ROBO2: variants seen among roughly 807,000 people sequenced by gnomAD.
ROBO2 encodes the protein roundabout homolog 2.
A neutral mutation model predicts 160.8 loss-of-function variants in ROBO2; 53 were observed. That is an observed-to-expected ratio of 0.33 (90% CI 0.26 to 0.41). The LOEUF is 0.41. Ranked by LOEUF, ROBO2 falls within the 10% of genes least tolerant of loss-of-function variation. The pLI, the probability that ROBO2 is intolerant of heterozygous loss-of-function variation, is 1.00. For missense variants in ROBO2, 1,577 were observed against 1,722.4 expected, an observed-to-expected ratio of 0.92 and a Z score of 1.49; for synonymous variants, 664 against 611.7, an observed-to-expected ratio of 1.09 and a Z score of -1.26.
At chr3:76,977,939 T>C (rs2059892814) in intron 2 of ROBO2, among the ~76,000 whole-genome samples, 1 of 152,216 alleles carries the variant, frequency 6.6e-6, no homozygotes, top group Non-Finnish European at 1.5e-5. Flanking sequence ...GACCTATTTA[T>C]ACTTTGAAGT....
At chr3:76,692,181 G>A (rs979811578) in intron 2 of ROBO2, among the ~76,000 whole-genome samples, 1 of 152,114 alleles carries the variant, frequency 6.6e-6, no homozygotes, top group African/African-American at 2.4e-5. Flanking sequence ...CCCACTGAAT[G>A]ATCAGGGGAG....
intron 2 of ROBO2, among the ~76,000 whole-genome samples, chr3:77,330,489 G>T (rs2065865687): frequency 6.6e-6 from 1 of 152,208 alleles, no homozygotes; most frequent in African/African-American, 2.4e-5. Context: ...CTGCACTCCA[G>T]CCTGGGCAAC....
At chr3:76,533,983 G>A (rs2082362102) in intron 2 of ROBO2, among the ~76,000 whole-genome samples, 1 of 152,104 alleles carries the variant, frequency 6.6e-6, no homozygotes. Context: ...CAGGCCATCT[G>A]GACATATGTG....
intron 2 of ROBO2, among the ~76,000 whole-genome samples, chr3:77,239,504 G>A (rs912653875): frequency 2.0e-5 from 3 of 152,088 alleles, no homozygotes; most frequent in Non-Finnish European, 4.4e-5. Context: ...CTGTGGAAAG[G>A]GACCCCAGCG....
chr3:76,281,379 G>GTGATTT (rs999664896), intron 2 of ROBO2, among the ~76,000 whole-genome samples: 1 of 151,940 alleles, frequency 6.6e-6, no homozygotes, highest in African/African-American at 2.4e-5. Context: ...TTTAACAGCT[G>GTGATTT]TGATTTTGAT....
chr3:76,805,986 T>C (rs2064675419), intron 2 of ROBO2, among the ~76,000 whole-genome samples: 1 of 151,950 alleles, frequency 6.6e-6, no homozygotes, highest in African/African-American at 2.4e-5. Context: ...TCTAGCTGTC[T>C]GTGTTCTTAA....
chr3:76,028,656 T>C (rs1176261209), intron 2 of ROBO2, among the ~76,000 whole-genome samples: 1 of 151,876 alleles, frequency 6.6e-6, no homozygotes, highest in African/African-American at 2.4e-5. Context: ...TATGGTGCGG[T>C]ATAAAATTCC....
At chr3:76,633,352 T>C (rs2090140921) in intron 2 of ROBO2, among the ~76,000 whole-genome samples, 1 of 152,188 alleles carries the variant, frequency 6.6e-6, no homozygotes, top group African/African-American at 2.4e-5. Context: ...GAAGATCCCC[T>C]GATATTTGTG....
At chr3:76,957,499 T>C (rs1391834211) in intron 2 of ROBO2, among the ~76,000 whole-genome samples, 1 of 152,060 alleles carries the variant, frequency 6.6e-6, no homozygotes, top group Non-Finnish European at 1.5e-5. Context: ...TATGCAGATA[T>C]CTACTGTCTC....
intron 2 of ROBO2, among the ~76,000 whole-genome samples, chr3:75,981,109 A>G (rs1408375237): frequency 6.6e-6 from 1 of 151,524 alleles, no homozygotes; most frequent in Non-Finnish European, 1.5e-5. Context: ...TATTTGCCAT[A>G]ATGTAACATC....
intron 2 of ROBO2, among the ~76,000 whole-genome samples, chr3:75,985,063 T>C (rs532629960): frequency 6.6e-6 from 1 of 151,466 alleles, no homozygotes; most frequent in Non-Finnish European, 1.5e-5. Context: ...TATTTAGATT[T>C]ATCTAAATGG....
chr3:77,562,913 AAT>A (rs1453194084), intron 10 of ROBO2, among the ~76,000 whole-genome samples, 181 bp downstream of exon 11: 1 of 152,172 alleles, frequency 6.6e-6, no homozygotes, highest in Non-Finnish European at 1.5e-5. Context: ...TGTGGAATTT[AAT>A]ACACTTGTCT....
intron 2 of ROBO2, among the ~76,000 whole-genome samples, chr3:77,329,487 T>C (rs2065776287): frequency 6.6e-6 from 1 of 152,132 alleles, no homozygotes; most frequent in Non-Finnish European, 1.5e-5. Flanking sequence ...ACATTAAGAG[T>C]AATCCTGCAC....
At chr3:77,191,168 C>G (rs897473539) in intron 2 of ROBO2, among the ~76,000 whole-genome samples, 28 of 152,076 alleles carry the variant, frequency 1.8e-4, no homozygotes, top group African/African-American at 6.5e-4. Context: ...CACTGTAATA[C>G]TAGCTACATG....
chr3:76,249,277 A>G (rs1705834128), intron 2 of ROBO2, among the ~76,000 whole-genome samples: 1 of 152,086 alleles, frequency 6.6e-6, no homozygotes, highest in Non-Finnish European at 1.5e-5. Flanking sequence ...CAAAATGGAT[A>G]TTTATACAGT....
At chr3:77,603,982 G>T (rs2094478566) in intron 20 of ROBO2, 1 of 152,048 alleles carries the variant, frequency 6.6e-6, no homozygotes, top group African/African-American at 2.4e-5. Flanking sequence ...GTGTATTATG[G>T]CATGTCACAG....
At chr3:76,417,877 G>A (rs941428402) in intron 2 of ROBO2, among the ~76,000 whole-genome samples, 5 of 151,908 alleles carry the variant, frequency 3.3e-5, no homozygotes, top group Non-Finnish European at 7.4e-5. Context: ...ATACCAAAAT[G>A]ATCTTCAAAC....
intron 2 of ROBO2, among the ~76,000 whole-genome samples, chr3:76,660,477 G>T: frequency 6.6e-6 from 1 of 152,102 alleles, no homozygotes; most frequent in South Asian, 2.1e-4. Context: ...GGATGTTACT[G>T]GTTCTATAAC....
chr3:76,027,243 A>G (rs962402097), intron 2 of ROBO2, among the ~76,000 whole-genome samples: 4 of 151,910 alleles, frequency 2.6e-5, no homozygotes, highest in African/African-American at 9.7e-5. Flanking sequence ...GTATAACTCA[A>G]TTAAAGCACA....
Sources: allele counts gnomAD v4.1 joint callset (sites outside exome capture counted in the v4.1 genomes callset), GRCh38; gene constraint gnomAD v4.1.1; transcripts MANE v1.5; gene names NCBI Gene and HGNC (gene_info 2026-07-23, HGNC 2026-07-21).